CACNA2D4: variants seen among roughly 807,000 people sequenced by gnomAD.
CACNA2D4 encodes the protein calcium voltage-gated channel auxiliary subunit alpha2delta 4, also known as voltage-dependent calcium channel subunit alpha-2/delta-4.
A neutral mutation model predicts 163.8 loss-of-function variants in CACNA2D4; 157 were observed. That is an observed-to-expected ratio of 0.96 (90% confidence interval 0.84 to 1.09). The LOEUF (loss-of-function observed/expected upper bound fraction) is 1.09, where lower values mean the gene tolerates loss of function less well. CACNA2D4 is among the 50% of genes least tolerant of loss of function. The pLI, the probability that CACNA2D4 is intolerant of heterozygous loss-of-function variation, is 0.00. For synonymous variants in CACNA2D4, 598 were observed against 586.9 expected (o/e 1.02, Z -0.27); for missense variants, 1,410 against 1,479.9 (o/e 0.95, Z 0.78).
chr12:1,805,179 G>A (rs1017701718), intron 29 of CACNA2D4, among the ~76,000 whole-genome samples: 5 of 152,118 alleles, frequency 3.3e-5, no homozygotes, highest in Non-Finnish European at 7.4e-5. Context: ...AAGAGTCGAG[G>A]ACCCCCCCTG....
At chr12:1,823,902 G>A (rs1864212813) in intron 26 of CACNA2D4, among the ~76,000 whole-genome samples, 1 of 152,188 alleles carries the variant, frequency 6.6e-6, no homozygotes, top group Admixed American at 6.5e-5. Context: ...TCCTGTACAA[G>A]TAACCCCCAC....
rs1168481504 is a variant in CACNA2D4, at chr12:1,886,386, A to G, written c.843-13T>C. On this transcript the variant is annotated splice_polypyrimidine_tract_variant and intron_variant, in intron 7 of 37. Transcript: ENST00000382722. The stretch of plus-strand genomic sequence containing the variant: ...AGCTTGAATGTACCTGAAGGAAGAA[A>G]GGGACATGCCCAAGATGGGAAAACC... 6.2e-7 allele frequency: 1 copy of G among 1,612,148 alleles called. No homozygotes were observed. The highest frequency in any genetic ancestry group is 8.5e-7 in the Non-Finnish European group (1 of 1,178,810).
At chr12:1,891,613 A>C (rs1866283157) in intron 6 of CACNA2D4, among the ~76,000 whole-genome samples, 1 of 152,062 alleles carries the variant, frequency 6.6e-6, no homozygotes, top group African/African-American at 2.4e-5. Flanking sequence ...ATACCGGAAA[A>C]TGAATTTAAG....
rs1865073562 is a variant in CACNA2D4 at position 1,843,361 on chromosome 12, T to C, written c.2470+1041A>G. On this transcript the variant is annotated intron_variant, in intron 25 of 37. Transcript: ENST00000382722. The surrounding 1 kb of genome is among the most constrained non-coding windows in gnomAD (Gnocchi z 4.6). Reference sequence around the variant, plus strand: ...TGAGGATGGTTTGGCAAAGTGGTGGTGGAAGGCCTTTGGCAGAAGGGCGTC... The same window carrying C: ...TGAGGATGGTTTGGCAAAGTGGTGGCGGAAGGCCTTTGGCAGAAGGGCGTC... Among the ~76,000 whole-genome samples, 1 of 152,160 alleles carries C rather than the reference T, an allele frequency of 6.6e-6. No individual in the cohort carries two copies. Among genetic ancestry groups the C allele is most frequent in the South Asian group, 2.1e-4 (1 of 4,832 alleles).
chr12:1,861,183 G>C (rs906657270), intron 18 of CACNA2D4, among the ~76,000 whole-genome samples: 2 of 152,196 alleles, frequency 1.3e-5, no homozygotes, highest in African/African-American at 4.8e-5. Flanking sequence ...AAGGGACACA[G>C]AGAGAGAGGA....
intron 30 of CACNA2D4, 116 bp downstream of exon 30, chr12:1,801,458 G>A (rs917514701): frequency 2.6e-5 from 23 of 885,610 alleles, no homozygotes; most frequent in Non-Finnish European, 4.1e-5. Context: ...GCAGCTCTTT[G>A]GGGGCACCCA....
At chr12:1,830,022 G>T (rs1864550438) in intron 26 of CACNA2D4, among the ~76,000 whole-genome samples, 1 of 152,210 alleles carries the variant, frequency 6.6e-6, no homozygotes, top group Non-Finnish European at 1.5e-5. Context: ...CTACAGACAG[G>T]ACCCCATGCT....
chr12:1,834,674 C>A lies in CACNA2D4; in HGVS notation c.2551+6065G>T, dbSNP rs368513861. 4.2e-5 allele frequency: 68 copies of A among 1,601,712 alleles called. No individual in the cohort carries two copies. Among genetic ancestry groups the A allele is most frequent in the Non-Finnish European group, 5.3e-5 (63 of 1,179,558 alleles). On this transcript the variant is annotated intron_variant, in intron 26 of 37. Coordinates refer to ENST00000382722, the MANE Select transcript of CACNA2D4 (RefSeq NM_172364.5). The surrounding 1 kb of genome is among the most constrained non-coding windows in gnomAD (Gnocchi z 7.6). Reference sequence around the variant, plus strand: ...AAAGCGCCAGCCCCTGATGGGGGACCCCGAGGGCGAGCACGAGGACCAGAA... The same window carrying A: ...AAAGCGCCAGCCCCTGATGGGGGACACCGAGGGCGAGCACGAGGACCAGAA...
chr12:1,806,913 C>T lies in CACNA2D4; in HGVS notation c.2721+3365G>A, dbSNP rs962567747. ...TTAGGGGAGGCCAGGCCCTGTGGCCCTCGATGGCACTTGTGTGTTTGGGGA... is the reference window on the plus strand; with the variant it reads ...TTAGGGGAGGCCAGGCCCTGTGGCCTTCGATGGCACTTGTGTGTTTGGGGA... On this transcript the variant is annotated intron_variant, in intron 29 of 37. Transcript: ENST00000382722. The surrounding 1 kb of genome is among the most constrained non-coding windows in gnomAD (Gnocchi z 4.1). 6.6e-5 allele frequency among the ~76,000 whole-genome samples: 10 copies of T among 151,986 alleles called. No homozygotes were observed. The highest frequency in any genetic ancestry group is 5.9e-4 in the Admixed American group (9 of 15,256).
rs1865863861 is a variant in CACNA2D4 at position 1,875,479 on chromosome 12, T to C, written c.1720-142A>G. ...AATCAATCCAGTAATTACTTAAGGT[T>C]ATCTGGGCAAATTCCACCTGATACA... On this transcript the variant is annotated intron_variant, in intron 16 of 37. Transcript: ENST00000382722. The surrounding 1 kb of genome is among the most constrained non-coding windows in gnomAD (Gnocchi z 4.0). 1 of 634,848 alleles carries C rather than the reference T, an allele frequency of 1.6e-6. No individual in the cohort carries two copies. The highest frequency in any genetic ancestry group is 2.9e-6 in the Non-Finnish European group (1 of 343,662). The allele number at this position is 634,848 out of a possible 1,614,324, so 39.3% of individuals were successfully genotyped here.
intron 26 of CACNA2D4, among the ~76,000 whole-genome samples, chr12:1,812,409 C>T: frequency 6.6e-6 from 1 of 152,160 alleles, no homozygotes. Flanking sequence ...TTGGAGAACC[C>T]AAGCAGGTGC....
Position 1,845,640 on chromosome 12 carries a change from G to A in CACNA2D4, c.2342+954C>T, listed in dbSNP as rs111519547. Among the ~76,000 whole-genome samples the A allele has an allele frequency of 1.7e-3, 253 of 152,260 alleles. 1 individual carries two copies. The highest frequency in any genetic ancestry group is 6.8e-3 in the Middle Eastern group (2 of 294). ...TGCCTGAAGGTCCTCACCTGTTGGA[G>A]TCTCCTGGGTTGCGAAGCGGCAGGT... On this transcript the variant is annotated intron_variant, in intron 24 of 37. Transcript: ENST00000382722.
chr12:1,826,410 C>T (rs11831740), intron 26 of CACNA2D4, among the ~76,000 whole-genome samples: 2 of 79,246 alleles, frequency 2.5e-5, no homozygotes, highest in African/African-American at 3.5e-5. Context: ...GCCCCCCCCC[C>T]CCCCCCGCCA....
chr12:1,802,134 C>T lies in CACNA2D4; in HGVS notation c.2722-490G>A, dbSNP rs1477215330. On this transcript the variant is annotated intron_variant, in intron 29 of 37. Transcript: ENST00000382722. This position sits in a 1 kb window ranked among gnomAD's most constrained non-coding sequence, Gnocchi z 4.7. ...CCTGTCTCATGCACGCTGGTGTCCT[C>T]ATCTTCCCAGTGTGAGAGGGCTGCT... is the stretch of plus-strand genomic sequence containing the variant. Among the ~76,000 whole-genome samples the T allele has an allele frequency of 6.6e-6, 1 of 151,882 alleles. No homozygotes were observed. The highest frequency in any genetic ancestry group is 1.5e-5 in the Non-Finnish European group (1 of 67,998).
chr12:1,886,166 C>A, intron 8 of CACNA2D4, 57 bp downstream of exon 8: 1 of 1,593,464 alleles, frequency 6.3e-7, no homozygotes, highest in Non-Finnish European at 8.6e-7. Context: ...ACCTTGGTAC[C>A]TGTGTATGAT....
chr12:1,881,310 C>G (rs754644090), intron 13 of CACNA2D4, among the ~76,000 whole-genome samples: 1 of 152,238 alleles, frequency 6.6e-6, no homozygotes, highest in Non-Finnish European at 1.5e-5. Context: ...CTAGCACCGT[C>G]TGACATCAGT....
chr12:1,797,866 G>A (rs1215439170), intron 34 of CACNA2D4, among the ~76,000 whole-genome samples: 2 of 152,202 alleles, frequency 1.3e-5, no homozygotes, highest in African/African-American at 4.8e-5. Flanking sequence ...AGATCCCGGG[G>A]GAGGGTCTGA....
chr12:1,894,129 G>C (rs1866348439), intron 6 of CACNA2D4, among the ~76,000 whole-genome samples: 4 of 152,032 alleles, frequency 2.6e-5, no homozygotes, highest in Admixed American at 1.3e-4. Context: ...AGACAAACTG[G>C]AAAACCTAGA....
chr12:1,805,342 G>A (rs370357810), intron 29 of CACNA2D4, among the ~76,000 whole-genome samples: 1 of 152,318 alleles, frequency 6.6e-6, no homozygotes, highest in East Asian at 1.9e-4. Context: ...TTGCAGGGCT[G>A]TGGGAGGCTG....
Sources: allele counts gnomAD v4.1 joint callset (sites outside exome capture counted in the v4.1 genomes callset), GRCh38; gene constraint gnomAD v4.1.1; non-coding constraint Gnocchi (gnomAD v3.1); transcripts MANE v1.5; gene names NCBI Gene and HGNC (gene_info 2026-07-23, HGNC 2026-07-21).